FRYL: variants seen among roughly 807,000 people sequenced by gnomAD.
FRYL encodes the protein FRY like transcription coactivator.
FRYL carries 150 observed loss-of-function variants against 351.2 expected under a neutral mutation model. The observed-to-expected ratio is 0.43, with a 90% CI of 0.37 to 0.49. The LOEUF (loss-of-function observed/expected upper bound fraction) is 0.49, where lower values mean the gene tolerates loss of function less well. Ranked by LOEUF, FRYL falls within the 20% of genes least tolerant of loss-of-function variation. FRYL has a pLI of 0.00. For synonymous variants in FRYL, 1,153 were observed against 1,257.1 expected (o/e 0.92, Z 1.75); for missense variants, 3,036 against 3,619.3 (o/e 0.84, Z 4.13).
intron 31 of FRYL, among the ~76,000 whole-genome samples, chr4:48,563,420 A>C (rs1300744867): frequency 6.6e-6 from 1 of 152,158 alleles, no homozygotes; most frequent in Non-Finnish European, 1.5e-5. Flanking sequence ...CTGTGGATCA[A>C]AAATATGAGG....
At position 48,521,079 on chromosome 4, in the gene FRYL, G is replaced by C. The variant is rs1349590678; in HGVS notation, c.7658C>G (p.Ser2553Cys). 1.2e-6 allele frequency: 2 copies of C among 1,613,188 alleles called. No individual in the cohort carries two copies. Among genetic ancestry groups the C allele is most frequent in the African/African-American group, 2.7e-5 (2 of 74,908 alleles). The change falls in exon 55 of 64, where the codon TCT (serine) becomes TGT (cysteine). Residue 2553 changes from serine to cysteine, a missense_variant. This residue lies in a region of FRYL where 1,987 missense variants were observed against 2,311.7 expected (regional missense o/e 0.86). Transcript: ENST00000358350. ...IRDETPTLEA[S>C]LDNANSRLPE... The stretch of plus-strand genomic sequence containing the variant: ...CAGCCGGCTGTTAGCATTATCTAGA[G>C]AAGCCTCCAAAGTTGGGGTCTCATC...
At chr4:48,541,458 T>C (rs1331559305) in intron 45 of FRYL, among the ~76,000 whole-genome samples, 1 of 152,218 alleles carries the variant, frequency 6.6e-6, no homozygotes, top group Non-Finnish European at 1.5e-5. Context: ...GGAAGGAATA[T>C]TAGACAAGTC....
chr4:48,768,896 T>C (rs1279802611), intron 1 of FRYL, among the ~76,000 whole-genome samples: 1 of 152,124 alleles, frequency 6.6e-6, no homozygotes, highest in Non-Finnish European at 1.5e-5. Context: ...TTTGCAAGGC[T>C]GAGGCAGGAA....
intron 12 of FRYL, 85 bp from the exon 13 acceptor site, chr4:48,602,206 T>G: frequency 1.4e-6 from 1 of 700,996 alleles, no homozygotes; most frequent in East Asian, 2.7e-5. Context: ...TTTATTCTCA[T>G]AAGCAAGGAA....
intron 62 of FRYL, 128 bp downstream of exon 62, chr4:48,501,495 T>C (rs1382794618): frequency 1.5e-6 from 1 of 652,980 alleles, no homozygotes; most frequent in African/African-American, 1.9e-5. Context: ...AACAAATTAT[T>C]CCTTAACTAA....
Position 48,512,573 on chromosome 4 carries a change from C to T in FRYL, c.8053G>A (p.Glu2685Lys), listed in dbSNP as rs765690670. The change falls in exon 57 of 64, where the codon GAA becomes AAA. Residue 2685 changes from glutamate to lysine, a missense_variant. Glu to Lys is a moderately conservative substitution (Grantham distance 56). Coordinates refer to ENST00000358350, the MANE Select transcript of FRYL (RefSeq NM_015030.2). ...TGATTGACGTGGCAGCGCCAGGCTT[C>T]CTCTTCATCATCATATGCCACGGGC... ...FQPVAYDDEEEAWRCHVNQML... is the reference protein window; with the variant it reads ...FQPVAYDDEEKAWRCHVNQML... 1.9e-6 allele frequency: 3 copies of T among 1,614,020 alleles called. No individual in the cohort carries two copies. Among genetic ancestry groups the T allele is most frequent in the Non-Finnish European group, 2.5e-6 (3 of 1,179,944 alleles).
intron 1 of FRYL, among the ~76,000 whole-genome samples, chr4:48,741,337 G>A (rs146018171): frequency 1.3e-5 from 2 of 152,164 alleles, no homozygotes; most frequent in East Asian, 3.9e-4. Context: ...AAATCAGATC[G>A]AGACCATCCT....
intron 26 of FRYL, 83 bp from the exon 27 acceptor site, chr4:48,571,001 T>G (rs1189307972): frequency 1.8e-6 from 2 of 1,104,900 alleles, no homozygotes; most frequent in African/African-American, 3.1e-5. Context: ...AGAGAGAGGT[T>G]CTGGGCTCAT....
intron 28 of FRYL, 77 bp from the exon 29 acceptor site, chr4:48,565,768 T>C: frequency 1.5e-6 from 2 of 1,346,374 alleles, no homozygotes; most frequent in Non-Finnish European, 2.0e-6. Context: ...TGTTATTGAA[T>C]GTGTAATAGT....
At chr4:48,779,079 T>C (rs1362398981) in intron 1 of FRYL, among the ~76,000 whole-genome samples, 2 of 149,314 alleles carry the variant, frequency 1.3e-5, no homozygotes, top group Non-Finnish European at 3.0e-5. Context: ...TCCACAAAAA[T>C]GCGATTTTAG....
rs1485788083 is a variant in FRYL at position 48,501,753 on chromosome 4, C to T, written c.8482-20G>A. 8.3e-6 allele frequency: 11 copies of T among 1,329,102 alleles called. No individual in the cohort carries two copies. Among genetic ancestry groups the T allele is most frequent in the Non-Finnish European group, 1.1e-5 (10 of 928,284 alleles). The allele number at this position is 1,329,102 out of a possible 1,614,324, so 82.3% of individuals were successfully genotyped here. On this transcript the variant is annotated intron_variant, in intron 61 of 63. Coordinates refer to ENST00000358350, the MANE Select transcript of FRYL (RefSeq NM_015030.2). Reference sequence around the variant, plus strand: ...CAATTCCTAGAAATAAATAACATTACATTAAATTTAGGTGTTATTTTCTAG... The same window carrying T: ...CAATTCCTAGAAATAAATAACATTATATTAAATTTAGGTGTTATTTTCTAG...
intron 1 of FRYL, among the ~76,000 whole-genome samples, chr4:48,738,741 A>T (rs1231699716): frequency 6.6e-6 from 1 of 151,518 alleles, no homozygotes; most frequent in African/African-American, 2.4e-5. Flanking sequence ...CCTGGCCTCA[A>T]GAAATCCTAT....
rs761739840 is a variant in FRYL, at chr4:48,502,851, CAAG to C, written c.8464-9_8464-7del. 1.2e-5 allele frequency: 19 copies of C among 1,608,202 alleles called. No individual in the cohort carries two copies. In the African/African-American group the frequency reaches 2.0e-4, roughly 17 times the overall value. ...ACTGCTAGTATTTCCATTTGCTAAGCAAGAAGGTGATCAGGTCACAAAAAATAC... is the reference window on the plus strand; with the variant it reads ...ACTGCTAGTATTTCCATTTGCTAAGCAAGGTGATCAGGTCACAAAAAATAC... On this transcript the variant is annotated splice_polypyrimidine_tract_variant and splice_region_variant and intron_variant, in intron 60 of 63. Transcript: ENST00000358350.
At chr4:48,655,028 G>C (rs1314925624) in intron 3 of FRYL, among the ~76,000 whole-genome samples, 1 of 152,130 alleles carries the variant, frequency 6.6e-6, no homozygotes, top group Non-Finnish European at 1.5e-5. Context: ...GAAATGCAGT[G>C]ATCAAAGTCA....
chr4:48,779,844 C>T (rs1776474330), intron 1 of FRYL, among the ~76,000 whole-genome samples: 1 of 151,362 alleles, frequency 6.6e-6, no homozygotes, highest in South Asian at 2.1e-4. Flanking sequence ...TCGGTTGAGG[C>T]TGGGGTTGCG....
intron 4 of FRYL, among the ~76,000 whole-genome samples, chr4:48,623,987 T>C (rs1751249507): frequency 6.6e-6 from 1 of 152,114 alleles, no homozygotes. Flanking sequence ...GAGGTAAAAG[T>C]TGGGGCCTGA....
At chr4:48,658,580 A>AAT in intron 3 of FRYL, among the ~76,000 whole-genome samples, 1 of 124,308 alleles carries the variant, frequency 8.0e-6, no homozygotes, top group East Asian at 2.4e-4. Context: ...TCTACAAAAA[A>AAT]ATACAAAAAA....
At chr4:48,625,070 T>C (rs1197792814) in intron 4 of FRYL, among the ~76,000 whole-genome samples, 1 of 152,142 alleles carries the variant, frequency 6.6e-6, no homozygotes, top group African/African-American at 2.4e-5. Flanking sequence ...TTCTCTTGGG[T>C]CCCCTGCTTT....
chr4:48,698,619 A>T (rs1408534731), intron 2 of FRYL, among the ~76,000 whole-genome samples: 1 of 152,246 alleles, frequency 6.6e-6, no homozygotes, highest in Non-Finnish European at 1.5e-5. Flanking sequence ...GTTTATTCAG[A>T]TCAACATCCT....
Sources: gnomAD v4.1 joint callset for allele counts (sites outside exome capture counted in the v4.1 genomes callset) on GRCh38, gnomAD v4.1.1 for gene constraint, gnomAD v4.1.1 regional missense constraint, MANE v1.5 for transcripts, NCBI Gene and HGNC (gene_info 2026-07-23, HGNC 2026-07-21) for gene names.